Variants in ARHGEF18 observed in about 807,000 individuals in gnomAD.
The protein encoded by ARHGEF18 is Rho/Rac guanine nucleotide exchange factor 18.
In ARHGEF18, 93 loss-of-function variants were observed where a neutral mutation model predicts 155.7. That is an observed-to-expected ratio of 0.60 (90% confidence interval 0.50 to 0.71). ARHGEF18 has a LOEUF of 0.71. ARHGEF18 is among the 30% of genes least tolerant of loss of function. ARHGEF18 has a pLI of 0.00. For missense variants in ARHGEF18, 1,593 were observed against 1,816.1 expected, an observed-to-expected ratio of 0.88 and a Z score of 2.23; for synonymous variants, 742 against 753.1, an observed-to-expected ratio of 0.99 and a Z score of 0.24.
chr19:7,451,594 T>C (rs112038648), intron 16 of ARHGEF18, among the ~76,000 whole-genome samples: 4,340 of 151,918 alleles, frequency 0.029, 200 homozygotes, highest in African/African-American at 0.095. Context: ...TTAATTTTTT[T>C]TTTAGAGATG....
chr19:7,440,007 G>A lies in ARHGEF18; in HGVS notation c.968-337G>A, dbSNP rs1355871072. ...TGCTTCAGCCAATACAGCAAGGGAA[G>A]ACGCAGCTCTGTTTTCTAGAAGGAT... On this transcript the variant is annotated intron_variant, in intron 10 of 28. Coordinates refer to ENST00000668164, the MANE Select transcript of ARHGEF18 (RefSeq NM_001367823.1). This position sits in a 1 kb window ranked among gnomAD's most constrained non-coding sequence, Gnocchi z 5.4. The A allele has an allele frequency of 9.0e-6, 14 of 1,550,300 alleles. No homozygotes were observed. In the East Asian group the frequency reaches 3.4e-4, roughly 38 times the overall value.
At chr19:7,464,794 G>A (rs772424247) in intron 23 of ARHGEF18, 104 bp downstream of exon 23, 137 of 1,431,236 alleles carry the variant, frequency 9.6e-5, no homozygotes, top group Non-Finnish European at 1.2e-4. Context: ...TATTAGCATC[G>A]ACAAGCATTG....
intron 17 of ARHGEF18, among the ~76,000 whole-genome samples, chr19:7,453,937 TTGG>T: frequency 6.6e-6 from 1 of 152,208 alleles, no homozygotes; most frequent in East Asian, 1.9e-4. Flanking sequence ...CCATTTTTTA[TTGG>T]TGGGTGCCAT....
In ARHGEF18 at chr19:7,437,600, G is replaced by T. The variant is rs146648235; in HGVS notation, c.968-2744G>T. Among the ~76,000 whole-genome samples the T allele has an allele frequency of 3.9e-5, 6 of 151,928 alleles. No individual in the cohort carries two copies. In the East Asian group the frequency reaches 1.2e-3, roughly 29 times the overall value. On this transcript the variant is annotated intron_variant, in intron 10 of 28. Coordinates refer to ENST00000668164, the MANE Select transcript of ARHGEF18 (RefSeq NM_001367823.1). ...ACATAGACAAGGCAATGGTGTATCG[G>T]GACCTAGGAGCCAGGAGGCCACAGG...
At position 7,450,178 on chromosome 19, in the gene ARHGEF18, G is replaced by A. The variant is rs1021001097; in HGVS notation, c.1738-971G>A. Among the ~76,000 whole-genome samples, 62 of 144,250 alleles carry A rather than the reference G, an allele frequency of 4.3e-4. 1 individual carries two copies. Among genetic ancestry groups the A allele is most frequent in the Middle Eastern group, 3.5e-3 (1 of 282 alleles). 94.6% of individuals were successfully genotyped at this position (144,250 alleles called of 152,430 possible). ...CTGTCCATTTCCGAGATGTTAATAC[G>A]CAATCTTGCTGTCCATTTCCGAGCT... On this transcript the variant is annotated intron_variant, in intron 15 of 28. Coordinates refer to ENST00000668164, the MANE Select transcript of ARHGEF18 (RefSeq NM_001367823.1).
At chr19:7,448,256 G>A (rs1448457587) in intron 15 of ARHGEF18, among the ~76,000 whole-genome samples, 1 of 152,192 alleles carries the variant, frequency 6.6e-6, no homozygotes, top group African/African-American at 2.4e-5. Flanking sequence ...GCTCACACCT[G>A]TAATCCCTGT....
At chr19:7,390,992 A>G (rs1971371742) in intron 10 of ARHGEF18, among the ~76,000 whole-genome samples, 1 of 152,146 alleles carries the variant, frequency 6.6e-6, no homozygotes, top group Non-Finnish European at 1.5e-5. Context: ...GTGAGCTGAG[A>G]TCACACCACT....
intron 2 of ARHGEF18, among the ~76,000 whole-genome samples, chr19:7,368,047 A>AAGGAAGGAAGGAAG (rs373355847): frequency 8.8e-5 from 13 of 148,054 alleles, no homozygotes; most frequent in South Asian, 2.1e-4. Context: ...GGAAGGAAGG[A>AAGGAAGGAAGGAAG]GAAGACTATC....
intron 20 of ARHGEF18, among the ~76,000 whole-genome samples, chr19:7,461,265 T>G (rs973228559): frequency 2.1e-5 from 3 of 139,992 alleles, no homozygotes; most frequent in African/African-American, 2.7e-5. Context: ...ATTTAAAAAT[T>G]AGGCTGGGTG....
At chr19:7,429,080 GC>G (rs1973817181) in intron 10 of ARHGEF18, among the ~76,000 whole-genome samples, 1 of 152,224 alleles carries the variant, frequency 6.6e-6, no homozygotes, top group African/African-American at 2.4e-5. Context: ...CCCACAGCTG[GC>G]CAGATAAGAG....
chr19:7,362,307 A>T (rs1168078600), intron 1 of ARHGEF18, among the ~76,000 whole-genome samples: 1 of 147,866 alleles, frequency 6.8e-6, no homozygotes, highest in African/African-American at 2.7e-5. Context: ...AAGGAGAAGG[A>T]GGAAGAAGAA....
At chr19:7,466,839 G>GGAAGAAAAAA (rs2145907867) in intron 23 of ARHGEF18, 79 bp from the exon 24 acceptor site, 4 of 623,172 alleles carry the variant, frequency 6.4e-6, no homozygotes, top group Non-Finnish European at 7.6e-6. Flanking sequence ...TAAAAAAAAA[G>GGAAGAAAAAA]AAGAAGAAGA....
chr19:7,356,083 C>T (rs10426616), intron 1 of ARHGEF18, among the ~76,000 whole-genome samples: 7,003 of 151,894 alleles, frequency 0.046, 535 homozygotes, highest in African/African-American at 0.16. Flanking sequence ...GAAACAAAAA[C>T]GGGGGGATTA....
chr19:7,419,295 TGGGTGTGCCCACACTTGGCCCCCACACCC>T (rs1202270199), intron 10 of ARHGEF18, among the ~76,000 whole-genome samples: 2 of 99,060 alleles, frequency 2.0e-5, no homozygotes, highest in South Asian at 3.3e-4. Flanking sequence ...CCCCCGCACC[TGGGTGTGCCCACACTTGGCCCCCACACCC>T]GGGTGTGCCC....
At chr19:7,410,196 T>G (rs1972592493) in intron 10 of ARHGEF18, among the ~76,000 whole-genome samples, 1 of 151,554 alleles carries the variant, frequency 6.6e-6, no homozygotes, top group African/African-American at 2.4e-5. Flanking sequence ...GCAAACAGGG[T>G]TTTTTCTGGC....
intron 10 of ARHGEF18, among the ~76,000 whole-genome samples, chr19:7,410,248 C>T (rs979475047): frequency 6.6e-5 from 10 of 152,076 alleles, no homozygotes; most frequent in African/African-American, 2.4e-4. Context: ...CCGCCTGTGA[C>T]TGATTGCTTT....
chr19:7,416,530 C>T (rs1353709412), intron 10 of ARHGEF18, among the ~76,000 whole-genome samples: 3 of 105,908 alleles, frequency 2.8e-5, no homozygotes, highest in Admixed American at 2.2e-4. Flanking sequence ...GGAGAAAATT[C>T]GTGTGTGTGT....
chr19:7,434,562 T>C (rs1361426925), intron 10 of ARHGEF18, among the ~76,000 whole-genome samples: 1 of 152,174 alleles, frequency 6.6e-6, no homozygotes, highest in Non-Finnish European at 1.5e-5. Context: ...AATTAGACTC[T>C]GAGTAGCTTT....
Position 7,378,481 on chromosome 19 carries a change from AC to A in ARHGEF18, c.599+35del, listed in dbSNP as rs1056072354. The A allele has an allele frequency of 7.3e-6, 9 of 1,232,772 alleles. No homozygotes were observed. In the African/African-American group the frequency reaches 1.4e-4, roughly 19 times the overall value. 76.4% of individuals were successfully genotyped at this position (1,232,772 alleles called of 1,614,324 possible). ...GTTTCTGCCTCGTGGTGGGGGAGGG[AC>A]CCCCAGGGAACAGGCCACAAAGTCA... On this transcript the variant is annotated intron_variant, in intron 6 of 28. Transcript: ENST00000668164.
Sources: gnomAD v4.1 joint callset for allele counts (sites outside exome capture counted in the v4.1 genomes callset) on GRCh38, gnomAD v4.1.1 for gene constraint, Gnocchi (gnomAD v3.1) non-coding constraint, MANE v1.5 for transcripts, NCBI Gene and HGNC (gene_info 2026-07-23, HGNC 2026-07-21) for gene names.